The following TTC7B variants were observed in gnomAD, a reference collection of about 807,000 sequenced individuals.
TTC7B encodes tetratricopeptide repeat domain 7B.
A neutral mutation model predicts 106.8 loss-of-function variants in TTC7B; 28 were observed. The ratio of observed to expected loss-of-function variants is 0.26; its 90% CI spans 0.19 to 0.36. The LOEUF is 0.36. Among genes scored for constraint, TTC7B ranks in the 10% least tolerant of loss-of-function variants. The pLI is 1.00. For missense variants in TTC7B, 862 were observed against 1,076.4 expected, an observed-to-expected ratio of 0.80 and a Z score of 2.79; for synonymous variants, 405 against 430.6, an observed-to-expected ratio of 0.94 and a Z score of 0.74.
chr14:90,594,078 C>A (rs996456279), intron 17 of TTC7B: 1 of 153,522 alleles, frequency 6.5e-6, no homozygotes, highest in East Asian at 1.9e-4. Flanking sequence ...CAAGACAAAC[C>A]CAGCAACTTC....
rs114720424 is a variant in TTC7B, at chr14:90,683,428, G to A, written c.951-2893C>T. ...GGCTGAAGTCCCACCCCGACCCCAA[G>A]TCACACTGTCTGCAAACATGCCAAG... On this transcript the variant is annotated intron_variant, in intron 7 of 19. Coordinates refer to ENST00000328459, the MANE Select transcript of TTC7B (RefSeq NM_001010854.2). Among the ~76,000 whole-genome samples, 393 of 152,212 alleles carry A rather than the reference G, an allele frequency of 2.6e-3. 4 individuals carry two copies. Among genetic ancestry groups the A allele is most frequent in the African/African-American group, 8.9e-3 (369 of 41,534 alleles).
rs1248394737 is a variant in TTC7B, at chr14:90,805,829, C to G, written c.121+10346G>C. ...AGCTCATCAGAGTCACTCCTGTGAG[C>G]CCTGCGGCGGGCACAGCTCAATGCC... On this transcript the variant is annotated intron_variant, in intron 1 of 19. Transcript: ENST00000328459. The surrounding 1 kb of genome is among the most constrained non-coding windows in gnomAD (Gnocchi z 4.0). 6.8e-6 allele frequency among the ~76,000 whole-genome samples: 1 copy of G among 147,584 alleles called. No homozygotes were observed. The highest frequency in any genetic ancestry group is 1.5e-5 in the Non-Finnish European group (1 of 66,660).
At chr14:90,550,966 G>A (rs561846272) in intron 19 of TTC7B, among the ~76,000 whole-genome samples, 1 of 152,218 alleles carries the variant, frequency 6.6e-6, no homozygotes, top group African/African-American at 2.4e-5. Context: ...GCATTAGCAT[G>A]ATGGTCTCTG....
rs569944774 is a variant in TTC7B at position 90,676,596 on chromosome 14, T to C, written c.1079A>G (p.Gln360Arg). 4.8e-5 allele frequency: 78 copies of C among 1,614,168 alleles called. No homozygotes were observed. In the South Asian group the frequency reaches 6.4e-4, roughly 13 times the overall value. Reference sequence around the variant, plus strand: ...TAAGTCATAGACCACAGATGCACTCTGCAGACTGATGAGGCGGTCACTCTT... The same window carrying C: ...TAAGTCATAGACCACAGATGCACTCCGCAGACTGATGAGGCGGTCACTCTT... ...EHKSDRLISL[Q>R]SASVVYDLLT... is the part of the protein sequence containing the mutation. Residue 360 changes from glutamine to arginine, a missense_variant, in exon 9 of 20, where the codon CAG becomes CGG. Transcript: ENST00000328459.
At chr14:90,780,299 T>G (rs1219128444) in intron 3 of TTC7B, among the ~76,000 whole-genome samples, 2 of 151,622 alleles carry the variant, frequency 1.3e-5, no homozygotes, top group East Asian at 3.9e-4. Context: ...GAGAATCACT[T>G]AAACCTGGGA....
chr14:90,610,252 C>T (rs536822272), intron 17 of TTC7B, among the ~76,000 whole-genome samples: 38 of 152,352 alleles, frequency 2.5e-4, no homozygotes, highest in African/African-American at 7.2e-4. Flanking sequence ...ACACACACGA[C>T]GAGGTGTGCA....
chr14:90,551,500 T>C (rs1311150940), intron 19 of TTC7B, among the ~76,000 whole-genome samples: 2 of 152,024 alleles, frequency 1.3e-5, no homozygotes, highest in Non-Finnish European at 2.9e-5. Flanking sequence ...TTCGCTGAAA[T>C]GTAGGCATGA....
At chr14:90,743,123 A>G (rs1427949312) in intron 4 of TTC7B, among the ~76,000 whole-genome samples, 2 of 152,208 alleles carry the variant, frequency 1.3e-5, no homozygotes, top group African/African-American at 4.8e-5. Context: ...TAACAACAAC[A>G]AATTCTCTTC....
At chr14:90,660,413 A>G (rs1250453487) in intron 9 of TTC7B, among the ~76,000 whole-genome samples, 6 of 139,434 alleles carry the variant, frequency 4.3e-5, no homozygotes, top group Middle Eastern at 3.7e-3. Context: ...AAAAAAAAAA[A>G]AAAAAAAAGA....
At position 90,654,868 on chromosome 14, in the gene TTC7B, G is replaced by T. The variant is rs1420604922; in HGVS notation, c.1459+125C>A. ...GCAGCACCAGGGGCCCCACCGGATG[G>T]CACACCAGAATGCCCCAGCTTCTGC... On this transcript the variant is annotated intron_variant, in intron 12 of 19. Transcript: ENST00000328459. 3 of 746,402 alleles carry T rather than the reference G, an allele frequency of 4.0e-6. No homozygotes were observed. In the East Asian group the frequency reaches 7.8e-5, roughly 19 times the overall value. 46.2% of individuals were successfully genotyped at this position (746,402 alleles called of 1,614,324 possible). A position where few individuals can be genotyped will look rare whatever the true frequency, so the allele number is the denominator to read the frequency against.
rs1052790828 is a variant in TTC7B, at chr14:90,805,088, G to A, written c.121+11087C>T. 2.6e-5 allele frequency among the ~76,000 whole-genome samples: 4 copies of A among 152,120 alleles called. No homozygotes were observed. The highest frequency in any genetic ancestry group is 7.2e-5 in the African/African-American group (3 of 41,426). ...GGAGATGACACCAACAGTCTTCGGC[G>A]TGGGACCAGGTCTCGGGTGGACGCC... On this transcript the variant is annotated intron_variant, in intron 1 of 19. Coordinates refer to ENST00000328459, the MANE Select transcript of TTC7B (RefSeq NM_001010854.2). The surrounding 1 kb of genome is among the most constrained non-coding windows in gnomAD (Gnocchi z 4.0).
At chr14:90,642,337 A>G (rs1595236170) in intron 15 of TTC7B, among the ~76,000 whole-genome samples, 1 of 152,346 alleles carries the variant, frequency 6.6e-6, no homozygotes, top group East Asian at 1.9e-4. Flanking sequence ...AAATGTGTGA[A>G]CCAATTTTCC....
intron 17 of TTC7B, among the ~76,000 whole-genome samples, chr14:90,597,627 C>T (rs1732867882): frequency 6.6e-6 from 1 of 151,898 alleles, no homozygotes; most frequent in Admixed American, 6.6e-5. Flanking sequence ...CATTGCACTC[C>T]AGCCTGGGCA....
intron 1 of TTC7B, among the ~76,000 whole-genome samples, chr14:90,786,692 G>C (rs1158049019): frequency 1.3e-5 from 2 of 152,052 alleles, no homozygotes; most frequent in Non-Finnish European, 2.9e-5. Flanking sequence ...CGATTCTCCT[G>C]CCTCAGCTTC....
At position 90,720,628 on chromosome 14, in the gene TTC7B, T is replaced by C. The variant is rs1888857374; in HGVS notation, c.698+9447A>G. On this transcript the variant is annotated intron_variant, in intron 5 of 19. Coordinates refer to ENST00000328459, the MANE Select transcript of TTC7B (RefSeq NM_001010854.2). ...GAAAATACTGCCGTCTGATAAGGTC[T>C]TATATCAGCAATTCCCAGGGCATGA... is the stretch of plus-strand genomic sequence containing the variant. Among the ~76,000 whole-genome samples the C allele has an allele frequency of 3.9e-5, 6 of 152,308 alleles. No homozygotes were observed. In the South Asian group the frequency reaches 1.2e-3, roughly 32 times the overall value.
intron 5 of TTC7B, among the ~76,000 whole-genome samples, chr14:90,713,954 G>A (rs1351886506): frequency 1.3e-5 from 2 of 152,214 alleles, no homozygotes; most frequent in Non-Finnish European, 2.9e-5. Context: ...CAGGCCGGGT[G>A]CGGTGGCTCA....
At chr14:90,741,030 G>C (rs1889741313) in intron 4 of TTC7B, among the ~76,000 whole-genome samples, 1 of 152,130 alleles carries the variant, frequency 6.6e-6, no homozygotes, top group Non-Finnish European at 1.5e-5. Context: ...TTTTACAGAC[G>C]AGGATCCTGA....
intron 3 of TTC7B, among the ~76,000 whole-genome samples, chr14:90,760,168 C>T (rs142326366): frequency 3.9e-5 from 6 of 152,104 alleles, no homozygotes; most frequent in South Asian, 2.1e-4. Context: ...TCACCAAGGG[C>T]GGACTCAGCA....
chr14:90,653,371 A>T (rs1885814964), intron 12 of TTC7B, among the ~76,000 whole-genome samples: 1 of 152,182 alleles, frequency 6.6e-6, no homozygotes. Flanking sequence ...CACCGACAGT[A>T]GCTTGCTGCC....
Sources: gnomAD v4.1 joint callset for allele counts (sites outside exome capture counted in the v4.1 genomes callset) on GRCh38, gnomAD v4.1.1 for gene constraint, Gnocchi (gnomAD v3.1) non-coding constraint, MANE v1.5 for transcripts, NCBI Gene and HGNC (gene_info 2026-07-23, HGNC 2026-07-21) for gene names.